UTS2B: variants seen among roughly 807,000 people sequenced by gnomAD.
UTS2B encodes the protein urotensin-2B.
In UTS2B, 21 loss-of-function variants were observed where a neutral mutation model predicts 19.2. The ratio of observed to expected loss-of-function variants is 1.09; its 90% CI spans 0.78 to 1.58. The LOEUF (loss-of-function observed/expected upper bound fraction) is 1.58. UTS2B is among the 40% of genes most tolerant of loss of function. The pLI is 0.00. For synonymous variants in UTS2B, 57 were observed against 50.2 expected (o/e 1.14, Z -0.58); for missense variants, 138 against 130.3 (o/e 1.06, Z -0.29).
At chr3:191,316,722 C>G (rs1315318133) in intron 2 of UTS2B, among the ~76,000 whole-genome samples, 2 of 149,536 alleles carry the variant, frequency 1.3e-5, no homozygotes, top group Admixed American at 6.6e-5. Flanking sequence ...CAAGTCCCCA[C>G]TTGATTAGCT....
At chr3:191,329,542 T>G in intron 1 of UTS2B, 5 of 812,794 alleles carry the variant, frequency 6.2e-6, no homozygotes, top group Middle Eastern at 3.7e-4. Flanking sequence ...ACCCGCTCCG[T>G]TCTCCGGCCT....
chr3:191,277,053 A>G (rs1226087622), intron 6 of UTS2B, among the ~76,000 whole-genome samples: 1 of 152,194 alleles, frequency 6.6e-6, no homozygotes, highest in Non-Finnish European at 1.5e-5. Flanking sequence ...TGAAATATGT[A>G]ATTTTCAACA....
intron 2 of UTS2B, among the ~76,000 whole-genome samples, chr3:191,323,175 C>G (rs919963818): frequency 1.6e-4 from 15 of 95,066 alleles, no homozygotes; most frequent in Non-Finnish European, 2.0e-5. Flanking sequence ...TTGAGACAGA[C>G]TCTCGCTGTC....
upstream of UTS2B, among the ~76,000 whole-genome samples, chr3:191,331,111 C>T (rs1407005402): frequency 6.6e-6 from 1 of 152,042 alleles, no homozygotes; most frequent in African/African-American, 2.4e-5. Context: ...TCTGGTTATC[C>T]TTTACTTTTG....
chr3:191,295,308 C>T (rs1370836869), intron 4 of UTS2B, among the ~76,000 whole-genome samples: 1 of 151,944 alleles, frequency 6.6e-6, no homozygotes, highest in Non-Finnish European at 1.5e-5. Context: ...CCAATAAGCA[C>T]TTGTCTGTCC....
At chr3:191,329,941 T>G (rs1409216229) in intron 1 of UTS2B, among the ~76,000 whole-genome samples, 16 of 5,366 alleles carry the variant, frequency 3.0e-3, no homozygotes, top group Non-Finnish European at 5.5e-3. Flanking sequence ...AAGGGGGTGG[T>G]TGGGGGGGGG....
intron 2 of UTS2B, among the ~76,000 whole-genome samples, chr3:191,322,423 G>T (rs1392489117): frequency 6.6e-6 from 1 of 152,208 alleles, no homozygotes; most frequent in African/African-American, 2.4e-5. Context: ...CCAATAAAAG[G>T]AGAATGAGAT....
the UTS2B span, among the ~76,000 whole-genome samples, chr3:191,343,158 T>TGCA: frequency 2.0e-5 from 3 of 152,222 alleles, no homozygotes; most frequent in African/African-American, 7.2e-5. Flanking sequence ...ATGCACCTAT[T>TGCA]TTGGTATCTG....
In UTS2B at chr3:191,313,328, C is replaced by T. The variant is rs1250432971; in HGVS notation, c.-182+2708G>A. ...TTTTTAAAATGGTTGTAACATTTAA[C>T]TCACAGTAATGTGTGAACTCTGGTT... is the stretch of plus-strand genomic sequence containing the variant. On this transcript the variant is annotated intron_variant, in intron 3 of 8. Coordinates refer to ENST00000340524, the MANE Select transcript of UTS2B (RefSeq NM_198152.5). Among the ~76,000 whole-genome samples the T allele has an allele frequency of 2.0e-5, 3 of 152,174 alleles. No homozygotes were observed. In the East Asian group the frequency reaches 5.8e-4, roughly 29 times the overall value.
At chr3:191,342,027 A>G in the UTS2B span, among the ~76,000 whole-genome samples, 5 of 152,212 alleles carry the variant, frequency 3.3e-5, no homozygotes, top group Non-Finnish European at 5.9e-5. Context: ...CTAGGAATGT[A>G]CCCATGATCT....
chr3:191,341,579 G>A, the UTS2B span, among the ~76,000 whole-genome samples: 1 of 152,210 alleles, frequency 6.6e-6, no homozygotes, highest in South Asian at 2.1e-4. Context: ...CCTCACTGGA[G>A]TCTCTCAGTG....
intron 7 of UTS2B, 151 bp downstream of exon 7, chr3:191,276,656 T>C: frequency 3.3e-6 from 2 of 604,598 alleles, no homozygotes; most frequent in East Asian, 3.1e-5. Flanking sequence ...TTGATTTTTC[T>C]TTTTCTACAA....
the UTS2B span, among the ~76,000 whole-genome samples, chr3:191,343,920 A>G: frequency 2.6e-5 from 4 of 152,228 alleles, no homozygotes; most frequent in Non-Finnish European, 4.4e-5. Flanking sequence ...GTCTGTGACT[A>G]TATCTGCACA....
chr3:191,282,169 G>A lies in UTS2B; in HGVS notation c.21C>T (p.Ser7=). ...AAGTTAGGAGTCCAAAGCAAACAGT[G>A]CTTGAGAGGATCTTGTTCATGTTAA... MNKILS[S]TVCFGLLTLL... The change falls in exon 5 of 9, where the codon AGC becomes AGT. Residue 7 remains serine, a synonymous_variant. Transcript: ENST00000340524. 6.2e-7 allele frequency: 1 copy of A among 1,612,688 alleles called. No homozygotes were observed. The highest frequency in any genetic ancestry group is 8.5e-7 in the Non-Finnish European group (1 of 1,179,314).
the UTS2B span, among the ~76,000 whole-genome samples, chr3:191,340,401 A>G: frequency 2.0e-5 from 3 of 152,250 alleles, no homozygotes; most frequent in African/African-American, 7.2e-5. Context: ...TTTAGCAGAA[A>G]GCTTTTACTA....
chr3:191,286,199 C>T (rs1434048944), intron 4 of UTS2B, among the ~76,000 whole-genome samples: 1 of 152,072 alleles, frequency 6.6e-6, no homozygotes, highest in Non-Finnish European at 1.5e-5. Context: ...TTCAATACCC[C>T]ATTTTCAACA....
intron 4 of UTS2B, among the ~76,000 whole-genome samples, chr3:191,300,959 T>G (rs1716984024): frequency 6.6e-6 from 1 of 152,244 alleles, no homozygotes; most frequent in Non-Finnish European, 1.5e-5. Context: ...CAGGTATTTA[T>G]TTATAGCAGT....
chr3:191,276,617 A>AGTTTT (rs1385761656), intron 7 of UTS2B, among the ~76,000 whole-genome samples, 190 bp downstream of exon 7: 2 of 152,240 alleles, frequency 1.3e-5, no homozygotes, highest in South Asian at 2.1e-4. Context: ...CTTCAGCCAT[A>AGTTTT]GTTTTGTTTT....
the UTS2B span, among the ~76,000 whole-genome samples, chr3:191,339,517 C>T: frequency 6.6e-6 from 1 of 152,154 alleles, no homozygotes; most frequent in Non-Finnish European, 1.5e-5. Flanking sequence ...GAGGGTATTA[C>T]ATGATAACCA....
Sources: allele counts gnomAD v4.1 joint callset (sites outside exome capture counted in the v4.1 genomes callset), GRCh38; gene constraint gnomAD v4.1.1; transcripts MANE v1.5; gene names NCBI Gene and HGNC (gene_info 2026-07-23, HGNC 2026-07-21).